Variants in GALNT10 observed in about 807,000 individuals in gnomAD.
GALNT10 encodes the protein GalNAc transferase 10.
GALNT10 carries 41 observed loss-of-function variants against 75.0 expected under a neutral mutation model. That is an observed-to-expected ratio of 0.55 (90% CI 0.43 to 0.71). GALNT10 has a LOEUF of 0.71. Among genes scored for constraint, GALNT10 ranks in the 30% least tolerant of loss-of-function variants. The pLI is 0.00. For missense variants in GALNT10, 727 were observed against 818.5 expected (o/e 0.89, Z 1.36); for synonymous variants, 302 against 313.0 (o/e 0.96, Z 0.37).
intron 9 of GALNT10, among the ~76,000 whole-genome samples, chr5:154,410,347 T>C (rs1174207156): frequency 7.2e-6 from 1 of 138,328 alleles, no homozygotes; most frequent in Non-Finnish European, 1.5e-5. Flanking sequence ...AACATTTTCC[T>C]ATGGGAAACA....
intron 1 of GALNT10, among the ~76,000 whole-genome samples, chr5:154,293,229 G>A (rs945795712): frequency 2.6e-5 from 4 of 152,130 alleles, no homozygotes; most frequent in African/African-American, 7.2e-5. Flanking sequence ...CACACATCAG[G>A]GCCTTTGAAG....
intron 4 of GALNT10, among the ~76,000 whole-genome samples, chr5:154,331,196 A>T: frequency 6.6e-6 from 1 of 152,256 alleles, no homozygotes; most frequent in South Asian, 2.1e-4. Context: ...GGCATACAGT[A>T]GGTGCTTACT....
Position 154,402,277 on chromosome 5 carries a change from G to A in GALNT10, c.1057-1827G>A, listed in dbSNP as rs187384287. On this transcript the variant is annotated intron_variant, in intron 7 of 11. Coordinates refer to ENST00000297107, the MANE Select transcript of GALNT10 (RefSeq NM_198321.4). This position sits in a 1 kb window ranked among gnomAD's most constrained non-coding sequence, Gnocchi z 4.2. ...CTGCTCCTGCCCTGGCTTTCTTTTT[G>A]ATTATGCCAAGCTTGGCCCTGCCCT... 2.0e-5 allele frequency among the ~76,000 whole-genome samples: 3 copies of A among 152,122 alleles called. No individual in the cohort carries two copies. The highest frequency in any genetic ancestry group is 1.9e-4 in the East Asian group (1 of 5,164).
chr5:154,200,177 C>T (rs534435735), intron 1 of GALNT10, among the ~76,000 whole-genome samples: 2 of 152,262 alleles, frequency 1.3e-5, no homozygotes, highest in South Asian at 4.1e-4. Flanking sequence ...GTTGTTGGCT[C>T]CAGAAAGCTC....
At chr5:154,322,363 G>A (rs924839213) in intron 3 of GALNT10, among the ~76,000 whole-genome samples, 31 of 152,032 alleles carry the variant, frequency 2.0e-4, no homozygotes, top group African/African-American at 6.8e-4. Flanking sequence ...AGTCCCTCTC[G>A]TAGCTCAAAT....
At chr5:154,209,547 T>C (rs1032026424) in intron 1 of GALNT10, among the ~76,000 whole-genome samples, 14 of 152,196 alleles carry the variant, frequency 9.2e-5, no homozygotes, top group African/African-American at 3.1e-4. Context: ...GGTGCCACCA[T>C]GGTCAGGTTC....
intron 1 of GALNT10, among the ~76,000 whole-genome samples, chr5:154,293,696 G>A (rs1293573349): frequency 1.3e-5 from 2 of 150,704 alleles, no homozygotes. Flanking sequence ...TTTGGGTCTG[G>A]GCCCTCAAGA....
chr5:154,353,796 G>A (rs537979075), intron 4 of GALNT10, among the ~76,000 whole-genome samples: 2 of 152,206 alleles, frequency 1.3e-5, no homozygotes, highest in South Asian at 2.1e-4. Flanking sequence ...AAACTCAAGA[G>A]TCCCCTCCTC....
At chr5:154,337,819 C>T (rs1754967748) in intron 4 of GALNT10, 7 of 995,430 alleles carry the variant, frequency 7.0e-6, no homozygotes, top group Non-Finnish European at 1.1e-5. Flanking sequence ...CCACAACCAC[C>T]ACCAAAGTTT....
intron 1 of GALNT10, among the ~76,000 whole-genome samples, chr5:154,270,942 C>T (rs960816543): frequency 1.4e-4 from 20 of 144,810 alleles, no homozygotes; most frequent in African/African-American, 4.9e-4. Context: ...TGTCGTGAGC[C>T]GAGAGCACAT....
At chr5:154,328,683 G>A (rs1365022341) in intron 3 of GALNT10, among the ~76,000 whole-genome samples, 3 of 152,196 alleles carry the variant, frequency 2.0e-5, no homozygotes, top group Non-Finnish European at 4.4e-5. Context: ...CCAATCTTCA[G>A]ATGCCATTTG....
chr5:154,191,431 T>TCCCC (rs1446489673), intron 1 of GALNT10, among the ~76,000 whole-genome samples: 1 of 55,082 alleles, frequency 1.8e-5, no homozygotes, highest in African/African-American at 7.3e-5. Flanking sequence ...GCTTCCCTCC[T>TCCCC]CCCACCCCCC....
At chr5:154,251,338 C>T (rs1418224495) in intron 1 of GALNT10, among the ~76,000 whole-genome samples, 1 of 152,154 alleles carries the variant, frequency 6.6e-6, no homozygotes, top group Non-Finnish European at 1.5e-5. Flanking sequence ...TTTTTAAAGT[C>T]TCAATCTACA....
At chr5:154,299,324 G>A (rs1160081528) in intron 3 of GALNT10, among the ~76,000 whole-genome samples, 5 of 152,160 alleles carry the variant, frequency 3.3e-5, no homozygotes, top group African/African-American at 1.2e-4. Flanking sequence ...GAGAACCACT[G>A]TTTCAGGTAT....
Position 154,366,070 on chromosome 5 carries a change from C to T in GALNT10, c.569-10207C>T, listed in dbSNP as rs1363568897. Among the ~76,000 whole-genome samples the T allele has an allele frequency of 2.6e-5, 4 of 152,330 alleles. No homozygotes were observed. The South Asian group carries it at 8.3e-4, about 32-fold the overall frequency. On this transcript the variant is annotated intron_variant, in intron 4 of 11. Transcript: ENST00000297107. ...ACCAGCAGTTGTTTGCTGTTTTAGA[C>T]AATCATGTCATCAACAGCAGTGCTG... is the stretch of plus-strand genomic sequence containing the variant.
At position 154,325,587 on chromosome 5, in the gene GALNT10, T is replaced by C. The variant is rs1754744818; in HGVS notation, c.402-3985T>C. ...GAAAATCAGTGTAAATACATCATAT[T>C]AATAAAATAAAGGACAAAACTTACA... On this transcript the variant is annotated intron_variant, in intron 3 of 11. Transcript: ENST00000297107. Among the ~76,000 whole-genome samples the C allele has an allele frequency of 2.0e-5, 3 of 147,906 alleles. No homozygotes were observed. In the South Asian group the frequency reaches 6.4e-4, roughly 32 times the overall value.
At chr5:154,269,111 G>C (rs752961398) in intron 1 of GALNT10, among the ~76,000 whole-genome samples, 2 of 95,986 alleles carry the variant, frequency 2.1e-5, no homozygotes, top group South Asian at 5.7e-4. Flanking sequence ...TCAGCCTCCT[G>C]AGTAGCTGGG....
chr5:154,245,442 A>G (rs6887354), intron 1 of GALNT10, among the ~76,000 whole-genome samples: 41 of 152,122 alleles, frequency 2.7e-4, no homozygotes, highest in African/African-American at 9.9e-4. Flanking sequence ...AGCTTGCTCT[A>G]CCCATGTCAC....
intron 3 of GALNT10, among the ~76,000 whole-genome samples, chr5:154,324,453 A>G (rs1355613763): frequency 6.6e-6 from 1 of 152,206 alleles, no homozygotes; most frequent in Non-Finnish European, 1.5e-5. Flanking sequence ...ATGCAGCCAC[A>G]TGGGTGCAGC....
Sources: allele counts gnomAD v4.1 joint callset (sites outside exome capture counted in the v4.1 genomes callset), GRCh38; gene constraint gnomAD v4.1.1; non-coding constraint Gnocchi (gnomAD v3.1); transcripts MANE v1.5; gene names NCBI Gene and HGNC (gene_info 2026-07-23, HGNC 2026-07-21).